UVRAG: variants seen among roughly 807,000 people sequenced by gnomAD.
The protein encoded by UVRAG is UV radiation resistance-associated gene protein.
A neutral mutation model predicts 78.0 loss-of-function variants in UVRAG; 19 were observed. The ratio of observed to expected loss-of-function variants is 0.24; its 90% CI spans 0.17 to 0.36. The LOEUF is 0.36. Among genes scored for constraint, UVRAG ranks in the 10% least tolerant of loss-of-function variants. The probability of loss-of-function intolerance (pLI) is 1.00; values close to 1 mark genes in which losing one functional copy is unlikely to be tolerated. For synonymous variants in UVRAG, 323 were observed against 324.6 expected (o/e 1.00, Z 0.05); for missense variants, 740 against 853.8 (o/e 0.87, Z 1.66).
chr11:76,050,029 C>T (rs890190796), intron 12 of UVRAG, among the ~76,000 whole-genome samples: 3 of 152,112 alleles, frequency 2.0e-5, no homozygotes, highest in African/African-American at 4.8e-5. Flanking sequence ...AGTACAATAC[C>T]TGCTGCATAA....
intron 12 of UVRAG, among the ~76,000 whole-genome samples, chr11:76,034,887 A>G (rs192050786): frequency 2.4e-4 from 36 of 152,366 alleles, no homozygotes; most frequent in Admixed American, 7.8e-4. Flanking sequence ...AAATACTAGA[A>G]GTATTAACTG....
At chr11:75,997,101 A>G (rs916487179) in intron 8 of UVRAG, among the ~76,000 whole-genome samples, 10 of 152,240 alleles carry the variant, frequency 6.6e-5, no homozygotes, top group African/African-American at 2.4e-4. Context: ...TACAGCAAGA[A>G]ATATCTGTTA....
intron 6 of UVRAG, among the ~76,000 whole-genome samples, chr11:75,922,784 C>T (rs963376872): frequency 6.6e-6 from 1 of 151,740 alleles, no homozygotes; most frequent in South Asian, 2.1e-4. Flanking sequence ...CCCGTCTCTA[C>T]TAAAAATACA....
At chr11:76,103,537 G>GT (rs11312309) in intron 13 of UVRAG, among the ~76,000 whole-genome samples, 21,013 of 132,104 alleles carry the variant, frequency 0.16, 1,781 homozygotes, top group Non-Finnish European at 0.21. Context: ...TGCTGTTTTG[G>GT]TTTTTTTTTT....
At chr11:75,991,944 T>G (rs7933383) in intron 8 of UVRAG, among the ~76,000 whole-genome samples, 13,563 of 152,198 alleles carry the variant, frequency 0.089, 1,318 homozygotes, top group African/African-American at 0.25. Context: ...CGGTATTAAT[T>G]GCTCTTATAT....
At chr11:75,973,306 A>AT (rs988658646) in intron 7 of UVRAG, among the ~76,000 whole-genome samples, 2 of 152,012 alleles carry the variant, frequency 1.3e-5, no homozygotes, top group African/African-American at 4.8e-5. Context: ...TGATCATACC[A>AT]TTTTTTCTTC....
In UVRAG at chr11:75,826,459, C is replaced by T. The variant is rs185152182; in HGVS notation, c.117+10935C>T. Among the ~76,000 whole-genome samples the T allele has an allele frequency of 3.0e-3, 453 of 150,566 alleles. 13 individuals are homozygous for T. In the East Asian group the frequency reaches 0.075, roughly 25 times the overall value. On this transcript the variant is annotated intron_variant, in intron 1 of 14. Coordinates refer to ENST00000356136, the MANE Select transcript of UVRAG (RefSeq NM_003369.4). The stretch of plus-strand genomic sequence containing the variant: ...CGTGAGCCTGGCCGAGAACTTGTTT[C>T]TTAAACTTCACTCGGTCCTTTGGCA...
Position 76,141,055 on chromosome 11 carries a change from C to T in UVRAG, c.1742C>T (p.Pro581Leu). The change falls in exon 15 of 15, where the codon CCT (proline) becomes CTT (leucine). Residue 581 changes from proline to leucine, a missense_variant. Pro to Leu is a moderately conservative substitution (Grantham distance 98). Coordinates refer to ENST00000356136, the MANE Select transcript of UVRAG (RefSeq NM_003369.4). ...SLNGGHANVH[P>L]SQEQGEALSG... ...AACGGAGGCCACGCGAATGTGCACCCTAGCCAAGAACAAGGAGAAGCCCTC... is the reference window on the plus strand; with the variant it reads ...AACGGAGGCCACGCGAATGTGCACCTTAGCCAAGAACAAGGAGAAGCCCTC... 1.2e-6 allele frequency: 2 copies of T among 1,614,118 alleles called. No homozygotes were observed. The highest frequency in any genetic ancestry group is 8.5e-7 in the Non-Finnish European group (1 of 1,180,020).
chr11:76,072,511 A>G lies in UVRAG; in HGVS notation c.1305+6723A>G, dbSNP rs78984657. 1.8e-3 allele frequency among the ~76,000 whole-genome samples: 273 copies of G among 152,296 alleles called. 9 individuals carry two copies. In the East Asian group the frequency reaches 0.05, roughly 28 times the overall value. Reference sequence around the variant, plus strand: ...ATCCCAAATTGCCTTTTTCAGATGCATGAAGGATGGTGGGCTCTGGGTAAG... The same window carrying G: ...ATCCCAAATTGCCTTTTTCAGATGCGTGAAGGATGGTGGGCTCTGGGTAAG... On this transcript the variant is annotated intron_variant, in intron 13 of 14. Transcript: ENST00000356136.
At chr11:76,017,171 C>A (rs1348939319) in intron 12 of UVRAG, among the ~76,000 whole-genome samples, 191 bp downstream of exon 12, 1 of 152,014 alleles carries the variant, frequency 6.6e-6, no homozygotes, top group East Asian at 1.9e-4. Context: ...AATGACTCAA[C>A]CCCTGGGCTT....
chr11:76,086,579 T>C (rs1054513350), intron 13 of UVRAG, among the ~76,000 whole-genome samples: 6 of 152,332 alleles, frequency 3.9e-5, no homozygotes, highest in African/African-American at 1.2e-4. Context: ...TTTCATACTT[T>C]TAAAAACTAA....
chr11:75,956,468 T>A (rs1948801546), intron 6 of UVRAG, among the ~76,000 whole-genome samples: 2 of 150,344 alleles, frequency 1.3e-5, no homozygotes, highest in African/African-American at 4.9e-5. Flanking sequence ...TCACTGCAAC[T>A]TCTGCTTCCC....
In UVRAG at chr11:75,929,848, TGGAAAGGTG is replaced by T. The variant is rs139161246; in HGVS notation, c.593+17812_593+17820del. ...AAGATAACACCTGGGTACCAGCATG[TGGAAAGGTG>T]GGGAATGCTTGCCTGACACGTTAAA... On this transcript the variant is annotated intron_variant, in intron 6 of 14. Coordinates refer to ENST00000356136, the MANE Select transcript of UVRAG (RefSeq NM_003369.4). Among the ~76,000 whole-genome samples, 1,355 of 152,278 alleles carry T rather than the reference TGGAAAGGTG, an allele frequency of 8.9e-3. 17 individuals are homozygous for T. Among genetic ancestry groups the T allele is most frequent in the African/African-American group, 0.031 (1,305 of 41,538 alleles).
At chr11:75,929,285 G>A (rs1342352835) in intron 6 of UVRAG, among the ~76,000 whole-genome samples, 1 of 152,212 alleles carries the variant, frequency 6.6e-6, no homozygotes, top group Non-Finnish European at 1.5e-5. Flanking sequence ...GAAATAAAAT[G>A]TCATTAGTGA....
intron 1 of UVRAG, among the ~76,000 whole-genome samples, chr11:75,832,783 A>C (rs959763798): frequency 6.6e-6 from 1 of 152,182 alleles, no homozygotes; most frequent in Admixed American, 6.5e-5. Context: ...ACTCCCAGCC[A>C]CCAGTTATCT....
At chr11:76,106,282 C>G (rs1951967681) in intron 13 of UVRAG, among the ~76,000 whole-genome samples, 1 of 152,126 alleles carries the variant, frequency 6.6e-6, no homozygotes, top group South Asian at 2.1e-4. Context: ...AAAACTGTCT[C>G]TGTTCTATTA....
chr11:75,934,366 G>A (rs1228855540), intron 6 of UVRAG, among the ~76,000 whole-genome samples: 5 of 152,018 alleles, frequency 3.3e-5, no homozygotes, highest in African/African-American at 1.2e-4. Flanking sequence ...AATAGGAGGT[G>A]GTGGGGAGGA....
At chr11:75,865,335 AT>A (rs1226289649) in intron 3 of UVRAG, among the ~76,000 whole-genome samples, 1 of 151,788 alleles carries the variant, frequency 6.6e-6, no homozygotes, top group Non-Finnish European at 1.5e-5. Context: ...TTTCCCCCAA[AT>A]ATTAGATAAA....
chr11:76,083,934 G>A (rs955458719), intron 13 of UVRAG, among the ~76,000 whole-genome samples: 2 of 152,194 alleles, frequency 1.3e-5, no homozygotes, highest in Non-Finnish European at 2.9e-5. Flanking sequence ...GGAAGCCTGT[G>A]GCCCAGCTAT....
Sources: gnomAD v4.1 joint callset for allele counts (sites outside exome capture counted in the v4.1 genomes callset) on GRCh38, gnomAD v4.1.1 for gene constraint, MANE v1.5 for transcripts, NCBI Gene and HGNC (gene_info 2026-07-23, HGNC 2026-07-21) for gene names.